Variants in DEUP1 observed in about 807,000 individuals in gnomAD.
The protein encoded by DEUP1 is coiled-coil domain containing 67.
A neutral mutation model predicts 87.4 loss-of-function variants in DEUP1; 82 were observed. The ratio of observed to expected loss-of-function variants is 0.94; its 90% CI spans 0.78 to 1.13. The LOEUF (loss-of-function observed/expected upper bound fraction) is 1.13, where lower values mean the gene tolerates loss of function less well. Ranked by LOEUF, DEUP1 falls within the 50% of genes most tolerant of loss-of-function variation. The pLI, the probability that DEUP1 is intolerant of heterozygous loss-of-function variation, is 0.00. For missense variants in DEUP1, 663 were observed against 681.5 expected (o/e 0.97, Z 0.30); for synonymous variants, 214 against 222.7 (o/e 0.96, Z 0.35).
At position 93,413,978 on chromosome 11, in the gene DEUP1, A is replaced by G. The variant is rs139760357; in HGVS notation, c.1524-1022A>G. 1.2e-3 allele frequency among the ~76,000 whole-genome samples: 188 copies of G among 152,318 alleles called. 1 individual carries two copies. The highest frequency in any genetic ancestry group is 4.4e-3 in the African/African-American group (183 of 41,578). ...TTTTGAAGATCAGATTAGTTTAATA[A>G]TAATAATACCTAATCTTTACTAAAC... On this transcript the variant is annotated intron_variant, in intron 12 of 13. Transcript: ENST00000298050.
intron 5 of DEUP1, among the ~76,000 whole-genome samples, chr11:93,368,062 C>T (rs914962259): frequency 1.3e-5 from 2 of 152,238 alleles, no homozygotes; most frequent in Non-Finnish European, 2.9e-5. Context: ...GAGCTATATC[C>T]TTTGCTCATG....
At chr11:93,334,223 G>A (rs1475452378) in intron 2 of DEUP1, among the ~76,000 whole-genome samples, 1 of 152,144 alleles carries the variant, frequency 6.6e-6, no homozygotes, top group Admixed American at 6.5e-5. Context: ...TGAGAGTTAT[G>A]TATAAATCTA....
chr11:93,433,404 A>C (rs1948157537), intron 13 of DEUP1, among the ~76,000 whole-genome samples: 1 of 152,152 alleles, frequency 6.6e-6, no homozygotes, highest in African/African-American at 2.4e-5. Context: ...CTATAGTCCC[A>C]CCTACTCAGG....
At chr11:93,402,854 C>A (rs1417171054) in intron 11 of DEUP1, among the ~76,000 whole-genome samples, 1 of 151,470 alleles carries the variant, frequency 6.6e-6, no homozygotes, top group Admixed American at 6.6e-5. Flanking sequence ...TTGGTGGTTA[C>A]CAGAGGCTAA....
chr11:93,414,869 C>G (rs1340763683), intron 12 of DEUP1, 131 bp from the exon 13 acceptor site: 1 of 435,388 alleles, frequency 2.3e-6, no homozygotes, highest in Admixed American at 4.2e-5. Flanking sequence ...CAAAGAAACA[C>G]CCAGGTAACA....
At chr11:93,336,205 A>T (rs2134146989) in intron 2 of DEUP1, among the ~76,000 whole-genome samples, 1 of 152,310 alleles carries the variant, frequency 6.6e-6, no homozygotes, top group Middle Eastern at 3.4e-3. Flanking sequence ...GAAGGCGAAG[A>T]GGAAGGAGGC....
chr11:93,343,793 T>C (rs906811240), intron 2 of DEUP1, among the ~76,000 whole-genome samples: 4 of 152,234 alleles, frequency 2.6e-5, no homozygotes, highest in Non-Finnish European at 5.9e-5. Context: ...ATGTCCTTGT[T>C]ATTATGATGA....
intron 2 of DEUP1, among the ~76,000 whole-genome samples, chr11:93,335,708 C>G (rs1056701919): frequency 6.6e-6 from 1 of 152,202 alleles, no homozygotes; most frequent in Non-Finnish European, 1.5e-5. Context: ...ATTACCATCC[C>G]TGCTTTCTTT....
intron 7 of DEUP1, among the ~76,000 whole-genome samples, chr11:93,373,625 G>GTGTATATATATA (rs796309948): frequency 1.2e-3 from 83 of 66,988 alleles, no homozygotes; most frequent in African/African-American, 3.2e-3. Flanking sequence ...ATATATATAC[G>GTGTATATATATA]TATATATATA....
intron 2 of DEUP1, among the ~76,000 whole-genome samples, chr11:93,337,489 GTACCCCCT>G (rs1268901171): frequency 1.3e-5 from 2 of 152,082 alleles, no homozygotes; most frequent in Non-Finnish European, 2.9e-5. Context: ...AGCCCAGACT[GTACCCCCT>G]TACTCTCCCT....
intron 2 of DEUP1, among the ~76,000 whole-genome samples, chr11:93,333,069 A>G (rs926735530): frequency 3.3e-5 from 5 of 152,240 alleles, no homozygotes; most frequent in Non-Finnish European, 5.9e-5. Flanking sequence ...AAGTTTGGAT[A>G]ATAATCATAG....
At chr11:93,333,118 A>C (rs973628345) in intron 2 of DEUP1, among the ~76,000 whole-genome samples, 1 of 152,246 alleles carries the variant, frequency 6.6e-6, no homozygotes, top group Non-Finnish European at 1.5e-5. Flanking sequence ...TCCTTCTTAC[A>C]ACAGCCCTGC....
chr11:93,372,971 G>T (rs940539832), intron 7 of DEUP1, among the ~76,000 whole-genome samples: 2 of 152,208 alleles, frequency 1.3e-5, no homozygotes, highest in African/African-American at 4.8e-5. Flanking sequence ...GTCATGCAGT[G>T]ATGGGGTCTT....
intron 13 of DEUP1, among the ~76,000 whole-genome samples, chr11:93,435,778 C>A (rs1401403084): frequency 3.9e-5 from 6 of 152,084 alleles, no homozygotes; most frequent in Non-Finnish European, 8.8e-5. Flanking sequence ...GGGCAGATCA[C>A]GAGGTCAGGA....
chr11:93,420,654 C>T (rs958859745), intron 13 of DEUP1, among the ~76,000 whole-genome samples: 7 of 146,752 alleles, frequency 4.8e-5, no homozygotes, highest in East Asian at 2.0e-4. Context: ...GATTGTATAT[C>T]GAGAAAACCC....
chr11:93,374,789 A>G (rs1200466409), intron 7 of DEUP1, among the ~76,000 whole-genome samples: 1 of 152,016 alleles, frequency 6.6e-6, no homozygotes, highest in Non-Finnish European at 1.5e-5. Context: ...ATGAATTCTA[A>G]GAATTTTTTT....
intron 13 of DEUP1, among the ~76,000 whole-genome samples, chr11:93,429,681 GT>G (rs1391865996): frequency 1.3e-4 from 20 of 152,212 alleles, no homozygotes; most frequent in Admixed American, 1.2e-3. Context: ...AGCAGGGGGT[GT>G]TTTCTATTTT....
intron 9 of DEUP1, among the ~76,000 whole-genome samples, chr11:93,391,533 C>A (rs1946764841): frequency 6.6e-6 from 1 of 151,796 alleles, no homozygotes; most frequent in Non-Finnish European, 1.5e-5. Context: ...TATGGTGAAA[C>A]CCTGTCTCTA....
intron 12 of DEUP1, among the ~76,000 whole-genome samples, chr11:93,411,704 T>C (rs1947441192): frequency 6.6e-6 from 1 of 152,192 alleles, no homozygotes; most frequent in South Asian, 2.1e-4. Context: ...AATATGTAAC[T>C]AATTTTAATG....
Sources: allele counts gnomAD v4.1 joint callset (sites outside exome capture counted in the v4.1 genomes callset), GRCh38; gene constraint gnomAD v4.1.1; transcripts MANE v1.5; gene names NCBI Gene and HGNC (gene_info 2026-07-23, HGNC 2026-07-21).